WLS: variants seen among roughly 807,000 people sequenced by gnomAD.
WLS encodes the protein Wnt ligand secretion mediator, also known as protein wntless homolog.
A neutral mutation model predicts 62.8 loss-of-function variants in WLS; 23 were observed. The observed-to-expected ratio is 0.37, with a 90% CI of 0.26 to 0.52. The LOEUF is 0.52. WLS is among the 20% of genes least tolerant of loss of function. The probability of loss-of-function intolerance (pLI) is 0.92; values close to 1 mark genes in which losing one functional copy is unlikely to be tolerated. For synonymous variants in WLS, 246 were observed against 244.1 expected, an observed-to-expected ratio of 1.01 and a Z score of -0.07; for missense variants, 615 against 697.3, an observed-to-expected ratio of 0.88 and a Z score of 1.33.
intron 3 of WLS, among the ~76,000 whole-genome samples, chr1:68,157,262 G>A (rs778467281): frequency 1.3e-5 from 2 of 152,178 alleles, no homozygotes; most frequent in Non-Finnish European, 2.9e-5. Flanking sequence ...AATCCCCCAC[G>A]ATGGGTCTCT....
chr1:68,218,727 A>G (rs1489014338), intron 1 of WLS, among the ~76,000 whole-genome samples: 3 of 152,180 alleles, frequency 2.0e-5, no homozygotes, highest in African/African-American at 7.2e-5. Context: ...CATTTGGCAC[A>G]GCTTGTGTGC....
intron 1 of WLS, chr1:68,231,662 ACCCT>A (rs1158273147): frequency 2.3e-6 from 1 of 441,982 alleles, no homozygotes; most frequent in East Asian, 7.2e-5. Context: ...CAAATTGCAA[ACCCT>A]CAGCCCCTAG....
At chr1:68,135,782 C>T (rs1284589900) in intron 11 of WLS, among the ~76,000 whole-genome samples, 1 of 152,172 alleles carries the variant, frequency 6.6e-6, no homozygotes, top group Admixed American at 6.5e-5. Context: ...AGATTCTTGT[C>T]CACAAGCCCA....
chr1:68,132,021 C>T (rs537611031), intron 11 of WLS, among the ~76,000 whole-genome samples: 3 of 152,284 alleles, frequency 2.0e-5, no homozygotes, highest in African/African-American at 7.2e-5. Context: ...CTGTAGTATT[C>T]GTATAGCAAC....
At chr1:68,147,927 CCTT>C (rs1353561720) in intron 8 of WLS, among the ~76,000 whole-genome samples, 1 of 152,212 alleles carries the variant, frequency 6.6e-6, no homozygotes, top group Non-Finnish European at 1.5e-5. Flanking sequence ...TAGGCTGTGA[CCTT>C]CTCATTTTGC....
intron 11 of WLS, among the ~76,000 whole-genome samples, chr1:68,108,786 AAG>A (rs1401878227): frequency 1.2e-4 from 18 of 152,218 alleles, no homozygotes; most frequent in African/African-American, 4.3e-4. Flanking sequence ...ACAGAAGTCA[AAG>A]AACATTAAAA....
chr1:68,111,444 G>A (rs1646227608), intron 11 of WLS, among the ~76,000 whole-genome samples: 1 of 152,178 alleles, frequency 6.6e-6, no homozygotes, highest in Non-Finnish European at 1.5e-5. Context: ...TGTCTTTTCT[G>A]TAGAGAGAAG....
chr1:68,149,638 C>T (rs144126809), intron 6 of WLS, among the ~76,000 whole-genome samples: 1 of 152,046 alleles, frequency 6.6e-6, no homozygotes, highest in Non-Finnish European at 1.5e-5. Flanking sequence ...ACCTTCAATC[C>T]CTCTTGAAAT....
intron 11 of WLS, among the ~76,000 whole-genome samples, chr1:68,113,103 C>G (rs1004920648): frequency 2.2e-4 from 33 of 152,208 alleles, no homozygotes; most frequent in African/African-American, 8.0e-4. Context: ...CCACAGGAAG[C>G]CTTCTCTCTC....
chr1:68,147,425 T>C (rs1646767343), intron 8 of WLS, among the ~76,000 whole-genome samples: 2 of 152,158 alleles, frequency 1.3e-5, no homozygotes, highest in Admixed American at 1.3e-4. Flanking sequence ...AGACAAAGGA[T>C]ATTCCCTAGC....
chr1:68,106,761 T>C (rs1646152268), intron 11 of WLS, among the ~76,000 whole-genome samples: 1 of 150,070 alleles, frequency 6.7e-6, no homozygotes, highest in African/African-American at 2.5e-5. Context: ...TATGTGTGGG[T>C]AGGTGGGTGG....
At chr1:68,111,754 C>T (rs531047635) in intron 11 of WLS, among the ~76,000 whole-genome samples, 2 of 152,328 alleles carry the variant, frequency 1.3e-5, no homozygotes, top group Admixed American at 1.3e-4. Context: ...GGTCAGATGG[C>T]TGCTGTCCAA....
At chr1:68,187,628 GAAA>G (rs1328919873) in intron 2 of WLS, among the ~76,000 whole-genome samples, 1 of 152,124 alleles carries the variant, frequency 6.6e-6, no homozygotes, top group African/African-American at 2.4e-5. Context: ...TGGTTTGGGA[GAAA>G]TGCTCAAGAG....
intron 9 of WLS, 43 bp downstream of exon 9, chr1:68,145,826 C>T: frequency 1.9e-6 from 3 of 1,610,542 alleles, no homozygotes; most frequent in Non-Finnish European, 2.5e-6. Flanking sequence ...GTGGAAAGAT[C>T]AAGCAAGCAC....
downstream of WLS, among the ~76,000 whole-genome samples, chr1:68,121,755 TCCCAAATAA>T (rs1246721438): frequency 6.6e-6 from 1 of 152,116 alleles, no homozygotes; most frequent in Non-Finnish European, 1.5e-5. Flanking sequence ...AGAAGATGGG[TCCCAAATAA>T]CTCAGGGTCA....
intron 11 of WLS, chr1:68,099,582 G>A (rs1445752566): frequency 6.6e-6 from 1 of 152,138 alleles, no homozygotes; most frequent in Non-Finnish European, 1.5e-5. Flanking sequence ...GGGACCATTT[G>A]CATGCAACCT....
intron 5 of WLS, among the ~76,000 whole-genome samples, 164 bp downstream of exon 5, chr1:68,153,353 G>T (rs970908703): frequency 2.0e-5 from 3 of 152,186 alleles, no homozygotes; most frequent in Non-Finnish European, 4.4e-5. Flanking sequence ...ATAACAACTT[G>T]CATAGGAAAA....
intron 11 of WLS, among the ~76,000 whole-genome samples, chr1:68,136,897 G>A (rs555200486): frequency 6.6e-6 from 1 of 152,360 alleles, no homozygotes; most frequent in Admixed American, 6.5e-5. Flanking sequence ...GCAAGGCAGA[G>A]TGAAAGGCAC....
chr1:68,165,696 G>A (rs1408300515), intron 2 of WLS, among the ~76,000 whole-genome samples: 2 of 152,192 alleles, frequency 1.3e-5, no homozygotes, highest in African/African-American at 2.4e-5. Context: ...GAAAAGGGGT[G>A]TAGGGGCCCA....
Sources: gnomAD v4.1 joint callset for allele counts (sites outside exome capture counted in the v4.1 genomes callset) on GRCh38, gnomAD v4.1.1 for gene constraint, MANE v1.5 for transcripts, NCBI Gene and HGNC (gene_info 2026-07-23, HGNC 2026-07-21) for gene names.